The following KIAA1217 variants were observed in gnomAD, a reference collection of about 807,000 sequenced individuals.
KIAA1217 encodes KIAA1217.
In KIAA1217, 88 loss-of-function variants were observed where a neutral mutation model predicts 163.9. That is an observed-to-expected ratio of 0.54 (90% CI 0.45 to 0.64). The LOEUF (loss-of-function observed/expected upper bound fraction) is 0.64. Among genes scored for constraint, KIAA1217 ranks in the 30% least tolerant of loss-of-function variants. The pLI is 0.00. For synonymous variants in KIAA1217, 903 were observed against 923.1 expected (o/e 0.98, Z 0.39); for missense variants, 2,372 against 2,475.0 (o/e 0.96, Z 0.88).
intron 3 of KIAA1217, among the ~76,000 whole-genome samples, chr10:24,397,588 CT>C (rs1339120560): frequency 1.3e-5 from 2 of 152,102 alleles, no homozygotes; most frequent in Admixed American, 6.6e-5. Flanking sequence ...AAGATCTTAT[CT>C]GGATAACTGG....
intron 2 of KIAA1217, among the ~76,000 whole-genome samples, chr10:24,145,023 T>C (rs942146270): frequency 2.0e-5 from 3 of 152,200 alleles, no homozygotes; most frequent in Admixed American, 6.5e-5. Context: ...CTTATTTGGG[T>C]TTTCATTATA....
intron 1 of KIAA1217, among the ~76,000 whole-genome samples, chr10:23,703,491 T>C (rs1387584935): frequency 6.6e-6 from 1 of 152,190 alleles, no homozygotes; most frequent in Admixed American, 6.5e-5. Context: ...TTATTTGAGA[T>C]ACGCTGGCTC....
At chr10:23,707,745 T>A (rs1836984329) in intron 1 of KIAA1217, among the ~76,000 whole-genome samples, 1 of 152,178 alleles carries the variant, frequency 6.6e-6, no homozygotes, top group African/African-American at 2.4e-5. Context: ...AAAATTTTTT[T>A]AAAGGCAAAA....
At chr10:24,353,936 G>T (rs220350) in intron 2 of KIAA1217, among the ~76,000 whole-genome samples, 56,104 of 152,054 alleles carry the variant, frequency 0.37, 10,482 homozygotes, top group South Asian at 0.49. Context: ...AGCTGGCAGA[G>T]TGTATGAACT....
chr10:24,120,077 C>T (rs2063220832), intron 2 of KIAA1217, among the ~76,000 whole-genome samples: 1 of 152,166 alleles, frequency 6.6e-6, no homozygotes, highest in African/African-American at 2.4e-5. Flanking sequence ...CATCTGTTGC[C>T]ATAGCCAAGT....
chr10:24,198,961 G>A (rs909281883), intron 2 of KIAA1217, among the ~76,000 whole-genome samples: 1 of 152,208 alleles, frequency 6.6e-6, no homozygotes, highest in Non-Finnish European at 1.5e-5. Context: ...GCTCACGCCT[G>A]CAATCCCAGC....
intron 3 of KIAA1217, among the ~76,000 whole-genome samples, chr10:24,391,333 CTTTTTTT>C (rs768727392): frequency 6.7e-4 from 20 of 29,890 alleles, no homozygotes; most frequent in East Asian, 2.7e-3. Flanking sequence ...TTCTTTCTTT[CTTTTTTT>C]TTTTTTTTTT....
intron 1 of KIAA1217, among the ~76,000 whole-genome samples, chr10:23,866,848 T>G (rs953322501): frequency 6.6e-6 from 1 of 152,106 alleles, no homozygotes; most frequent in Non-Finnish European, 1.5e-5. Context: ...TTTTTCTTTT[T>G]TTCTTTTATT....
At chr10:24,121,811 G>A (rs1468786498) in intron 2 of KIAA1217, among the ~76,000 whole-genome samples, 1 of 151,926 alleles carries the variant, frequency 6.6e-6, no homozygotes, top group East Asian at 1.9e-4. Context: ...TTTTTCTATT[G>A]TTTCTAACCT....
chr10:24,202,139 T>G (rs2067295915), intron 2 of KIAA1217, among the ~76,000 whole-genome samples: 1 of 152,212 alleles, frequency 6.6e-6, no homozygotes. Context: ...AACATCTGTG[T>G]CTCTGTTTCT....
At chr10:23,838,843 G>A (rs142600590) in intron 1 of KIAA1217, among the ~76,000 whole-genome samples, 33 of 152,056 alleles carry the variant, frequency 2.2e-4, no homozygotes, top group African/African-American at 7.2e-4. Flanking sequence ...TGTTGACTTA[G>A]GACTTTCTTA....
At chr10:24,496,532 TCTC>T (rs1379169848) in intron 8 of KIAA1217, among the ~76,000 whole-genome samples, 3 of 152,350 alleles carry the variant, frequency 2.0e-5, no homozygotes, top group African/African-American at 7.2e-5. Context: ...TGTTTTGTAT[TCTC>T]CTTTTATTTC....
chr10:23,962,284 C>T (rs1844849918), intron 1 of KIAA1217, among the ~76,000 whole-genome samples: 3 of 152,154 alleles, frequency 2.0e-5, no homozygotes, highest in Non-Finnish European at 4.4e-5. Flanking sequence ...CCTCAGTTTC[C>T]ACATCTATAA....
intron 3 of KIAA1217, among the ~76,000 whole-genome samples, chr10:24,410,220 T>C (rs2057646025): frequency 6.6e-6 from 1 of 152,134 alleles, no homozygotes; most frequent in African/African-American, 2.4e-5. Context: ...GGTCTCGAAC[T>C]CCCAACCTCA....
chr10:24,362,945 AAG>A (rs1418161010), intron 2 of KIAA1217, among the ~76,000 whole-genome samples: 2 of 151,632 alleles, frequency 1.3e-5, no homozygotes, highest in South Asian at 2.1e-4. Flanking sequence ...ATTAAAAAAA[AAG>A]AAGAAGAAGA....
chr10:23,907,292 T>TGTGTGTGTGTGTG (rs1554822036), intron 1 of KIAA1217, among the ~76,000 whole-genome samples: 2,446 of 145,828 alleles, frequency 0.017, 39 homozygotes, highest in Admixed American at 0.05. Context: ...CCAATATGAT[T>TGTGTGTGTGTGTG]TGTGTGTGTG....
intron 2 of KIAA1217, among the ~76,000 whole-genome samples, chr10:24,266,605 G>A (rs574734736): frequency 1.3e-5 from 2 of 152,032 alleles, no homozygotes; most frequent in African/African-American, 4.8e-5. Flanking sequence ...GCTAGCAAGA[G>A]GATGGTAAAA....
chr10:24,028,817 T>C (rs1445396220), intron 2 of KIAA1217, among the ~76,000 whole-genome samples: 1 of 152,210 alleles, frequency 6.6e-6, no homozygotes, highest in Non-Finnish European at 1.5e-5. Flanking sequence ...ATTGGTGCTA[T>C]ACCAATAGTT....
intron 2 of KIAA1217, among the ~76,000 whole-genome samples, chr10:24,292,246 G>A (rs148450829): frequency 3.6e-4 from 55 of 152,318 alleles, no homozygotes; most frequent in East Asian, 1.9e-3. Flanking sequence ...GCAGTTTACC[G>A]TGGACATTGT....
Sources: allele counts gnomAD v4.1 joint callset (sites outside exome capture counted in the v4.1 genomes callset), GRCh38; gene constraint gnomAD v4.1.1; transcripts MANE v1.5; gene names NCBI Gene and HGNC (gene_info 2026-07-23, HGNC 2026-07-21).